Variants in PLCL2 observed in about 807,000 individuals in gnomAD.
PLCL2 encodes inactive phospholipase C-like protein 2.
In PLCL2, 4 loss-of-function variants were observed where a neutral mutation model predicts 79.6. That is an observed-to-expected ratio of 0.05 (90% CI 0.02 to 0.11). The LOEUF is 0.11. Among genes scored for constraint, PLCL2 ranks in the 10% least tolerant of loss-of-function variants. PLCL2 has a pLI of 1.00. For missense variants in PLCL2, 895 were observed against 1,291.0 expected (o/e 0.69, Z 4.70); for synonymous variants, 484 against 457.7 (o/e 1.06, Z -0.73).
chr3:17,078,129 T>C (rs1384556749), intron 5 of PLCL2, among the ~76,000 whole-genome samples: 2 of 152,232 alleles, frequency 1.3e-5, no homozygotes, highest in East Asian at 1.9e-4. Context: ...TTGTATTAAG[T>C]GTCCTTGGAT....
At chr3:17,080,550 A>G (rs2065152589) in intron 5 of PLCL2, among the ~76,000 whole-genome samples, 1 of 152,080 alleles carries the variant, frequency 6.6e-6, no homozygotes, top group Non-Finnish European at 1.5e-5. Flanking sequence ...TCCCGGGTTC[A>G]AGTGATTCTC....
At chr3:16,960,091 G>A (rs776211435) in intron 1 of PLCL2, among the ~76,000 whole-genome samples, 1 of 151,960 alleles carries the variant, frequency 6.6e-6, no homozygotes, top group African/African-American at 2.4e-5. Flanking sequence ...GGCGACAGAG[G>A]AAGACTCCAT....
At chr3:16,984,671 G>A (rs558102231) in intron 1 of PLCL2, among the ~76,000 whole-genome samples, 26 of 152,252 alleles carry the variant, frequency 1.7e-4, no homozygotes, top group African/African-American at 5.5e-4. Flanking sequence ...GCTGGCTCAC[G>A]CCTGTAATCC....
intron 4 of PLCL2, 67 bp downstream of exon 4, chr3:17,043,016 AT>A: frequency 9.5e-7 from 1 of 1,051,276 alleles, no homozygotes; most frequent in East Asian, 2.4e-5. Flanking sequence ...CCCCAAAACT[AT>A]TTCATTTTTT....
chr3:16,933,379 C>T (rs79802741), intron 1 of PLCL2: 1,631 of 154,466 alleles, frequency 0.011, 30 homozygotes, highest in Admixed American at 0.045. Context: ...AAAACGCTTA[C>T]GACTACTTAG....
At chr3:16,952,193 AG>A (rs994151788) in intron 1 of PLCL2, among the ~76,000 whole-genome samples, 1 of 151,724 alleles carries the variant, frequency 6.6e-6, no homozygotes, top group Non-Finnish European at 1.5e-5. Context: ...GTGGGAGACA[AG>A]GGGAGGGAGA....
At chr3:17,041,684 C>T (rs2064723467) in intron 3 of PLCL2, among the ~76,000 whole-genome samples, 1 of 152,158 alleles carries the variant, frequency 6.6e-6, no homozygotes, top group African/African-American at 2.4e-5. Context: ...TGGCTTATGC[C>T]TGTAATGCCA....
intron 3 of PLCL2, among the ~76,000 whole-genome samples, chr3:17,021,874 G>A (rs1402325958): frequency 6.6e-6 from 1 of 152,140 alleles, no homozygotes; most frequent in Non-Finnish European, 1.5e-5. Flanking sequence ...CATACTAACA[G>A]TCTGATTTAA....
chr3:16,963,834 A>C (rs1222469361), intron 1 of PLCL2, among the ~76,000 whole-genome samples: 2 of 151,734 alleles, frequency 1.3e-5, no homozygotes, highest in Non-Finnish European at 2.9e-5. Context: ...GCTGGTCAGG[A>C]ATTGGAACCT....
intron 3 of PLCL2, among the ~76,000 whole-genome samples, chr3:17,021,649 G>T (rs2064456454): frequency 6.6e-6 from 1 of 150,768 alleles, no homozygotes; most frequent in Non-Finnish European, 1.5e-5. Context: ...ACTAAGCAAG[G>T]AACAGTTGAG....
intron 1 of PLCL2, among the ~76,000 whole-genome samples, chr3:17,003,729 C>T (rs1351431687): frequency 6.6e-6 from 1 of 152,134 alleles, no homozygotes; most frequent in Non-Finnish European, 1.5e-5. Flanking sequence ...TTTTCTGCCA[C>T]TCTACTGGTC....
chr3:17,052,443 G>C (rs1168829419), intron 4 of PLCL2, among the ~76,000 whole-genome samples: 2 of 152,074 alleles, frequency 1.3e-5, no homozygotes, highest in African/African-American at 4.8e-5. Context: ...CTGGAAGAAG[G>C]GTTCCTATTA....
chr3:17,011,885 A>G lies in PLCL2; in HGVS notation c.2539A>G (p.Ile847Val). Residue 847 changes from isoleucine to valine, a missense_variant, in exon 2 of 6, where the codon ATT becomes GTT. Physicochemically the swap from Ile to Val is conservative, Grantham distance 29. Transcript: ENST00000615277. This position sits in a 1 kb window ranked among gnomAD's most constrained non-coding sequence, Gnocchi z 7.9. ...IGDEFIGQYT[I>V]PFECLQTGYR... Reference sequence around the variant, plus strand: ...GGATGAATTCATCGGCCAGTACACAATTCCCTTTGAATGTTTACAGACGGG... The same window carrying G: ...GGATGAATTCATCGGCCAGTACACAGTTCCCTTTGAATGTTTACAGACGGG... 1.9e-6 allele frequency: 3 copies of G among 1,614,222 alleles called. No individual in the cohort carries two copies. The highest frequency in any genetic ancestry group is 2.2e-5 in the East Asian group (1 of 44,886).
chr3:16,967,150 C>A (rs1488508598), intron 1 of PLCL2, among the ~76,000 whole-genome samples: 3 of 152,084 alleles, frequency 2.0e-5, no homozygotes, highest in African/African-American at 7.2e-5. Context: ...ACCACATTTT[C>A]TTTACCCATT....
At chr3:17,078,731 T>C (rs1301702815) in intron 5 of PLCL2, among the ~76,000 whole-genome samples, 2 of 152,330 alleles carry the variant, frequency 1.3e-5, no homozygotes, top group Middle Eastern at 3.4e-3. Flanking sequence ...TGAGGTACAG[T>C]GCTTATCTTG....
In PLCL2 at chr3:17,011,574, A is replaced by G; in HGVS notation, c.2228A>G (p.Asn743Ser). The G allele has an allele frequency of 6.2e-7, 1 of 1,614,126 alleles. No individual in the cohort carries two copies. Among genetic ancestry groups the G allele is most frequent in the Non-Finnish European group, 8.5e-7 (1 of 1,180,012 alleles). The change falls in exon 2 of 6, where the codon AAT becomes AGT. Residue 743 changes from asparagine to serine, a missense_variant. Coordinates refer to ENST00000615277, the MANE Select transcript of PLCL2 (RefSeq NM_001144382.2). The surrounding 1 kb of genome is among the most constrained non-coding windows in gnomAD (Gnocchi z 7.9). ...GAGGAGGTCTCCTTCTTCAGCGCCA[A>G]TACAAAAGACTCTGTCCCAGGGGTC... is the stretch of plus-strand genomic sequence containing the variant. ...MREEVSFFSA[N>S]TKDSVPGVSP...
chr3:16,896,187 G>T (rs527244645), intron 1 of PLCL2, among the ~76,000 whole-genome samples: 1 of 152,112 alleles, frequency 6.6e-6, no homozygotes, highest in African/African-American at 2.4e-5. Flanking sequence ...ATTTAGGGCC[G>T]TGCCTTTTAC....
At chr3:16,963,173 A>T (rs1017126664) in intron 1 of PLCL2, among the ~76,000 whole-genome samples, 12 of 152,096 alleles carry the variant, frequency 7.9e-5, no homozygotes, top group Non-Finnish European at 1.8e-4. Flanking sequence ...AATTTTGATT[A>T]TTTAGTGCTA....
intron 1 of PLCL2, among the ~76,000 whole-genome samples, chr3:16,924,633 A>G (rs943989461): frequency 2.6e-5 from 4 of 152,234 alleles, no homozygotes; most frequent in Non-Finnish European, 2.9e-5. Context: ...AACCTTTTCT[A>G]TATCCTACAG....
Sources: gnomAD v4.1 joint callset for allele counts (sites outside exome capture counted in the v4.1 genomes callset) on GRCh38, gnomAD v4.1.1 for gene constraint, Gnocchi (gnomAD v3.1) non-coding constraint, MANE v1.5 for transcripts, NCBI Gene and HGNC (gene_info 2026-07-23, HGNC 2026-07-21) for gene names.